GBF1: variants seen among roughly 807,000 people sequenced by gnomAD.
The protein encoded by GBF1 is golgi brefeldin A resistant guanine nucleotide exchange factor 1, also known as Golgi-specific brefeldin A-resistance guanine nucleotide exchange factor 1.
GBF1 carries 114 observed loss-of-function variants against 210.5 expected under a neutral mutation model. That is an observed-to-expected ratio of 0.54 (90% CI 0.47 to 0.63). The LOEUF is 0.63. Ranked by LOEUF, GBF1 falls within the 30% of genes least tolerant of loss-of-function variation. GBF1 has a pLI of 0.00. For synonymous variants in GBF1, 850 were observed against 889.2 expected (o/e 0.96, Z 0.78); for missense variants, 1,851 against 2,357.7 (o/e 0.79, Z 4.45).
intron 8 of GBF1, 85 bp downstream of exon 8, chr10:102,353,739 A>C: frequency 1.0e-6 from 1 of 955,700 alleles, no homozygotes; most frequent in Non-Finnish European, 1.7e-6. Flanking sequence ...TGCTTAGCAA[A>C]GATATGCTTT....
chr10:102,262,430 G>C (rs1040195961), intron 3 of GBF1, among the ~76,000 whole-genome samples: 4 of 152,040 alleles, frequency 2.6e-5, no homozygotes, highest in Non-Finnish European at 5.9e-5. Context: ...TTTTTGTTTG[G>C]TTTTGAATTC....
At chr10:102,256,911 G>A (rs1242239259) in intron 1 of GBF1, among the ~76,000 whole-genome samples, 1 of 152,164 alleles carries the variant, frequency 6.6e-6, no homozygotes, top group Non-Finnish European at 1.5e-5. Context: ...GGTGGTGTGC[G>A]CCTGAAGTCC....
chr10:102,376,393 A>G lies in GBF1; in HGVS notation c.4008A>G (p.Ser1336=), dbSNP rs151205099. ...GCAGGCCGGGCAAGATACACCGATC[A>G]GCCACAGATGCCGATGTGGTCAACA... ...DHGRPGKIHR[S]ATDADVVNSG... Residue 1336 remains serine, a synonymous_variant, in exon 31 of 40, where the codon TCA becomes TCG. Transcript: ENST00000369983. The G allele has an allele frequency of 5.6e-6, 9 of 1,614,204 alleles. No homozygotes were observed. Among genetic ancestry groups the G allele is most frequent in the Non-Finnish European group, 5.9e-6 (7 of 1,180,024 alleles).
chr10:102,275,064 T>G (rs1159878021), intron 3 of GBF1, among the ~76,000 whole-genome samples: 1 of 147,936 alleles, frequency 6.8e-6, no homozygotes, highest in Non-Finnish European at 1.5e-5. Flanking sequence ...CAGGCTGGAG[T>G]GCAGTGGTGC....
chr10:102,354,667 CAGG>C (rs1023664945), intron 8 of GBF1, among the ~76,000 whole-genome samples: 3 of 152,148 alleles, frequency 2.0e-5, no homozygotes, highest in Non-Finnish European at 4.4e-5. Context: ...TGCCTGGATA[CAGG>C]AGAAGGAAGA....
chr10:102,294,602 C>T (rs2076764720), intron 3 of GBF1, among the ~76,000 whole-genome samples: 1 of 151,890 alleles, frequency 6.6e-6, no homozygotes, highest in Non-Finnish European at 1.5e-5. Flanking sequence ...AGGATGGTCT[C>T]GATTTCCTGA....
At chr10:102,293,548 G>A (rs1565070927) in intron 3 of GBF1, among the ~76,000 whole-genome samples, 1 of 151,930 alleles carries the variant, frequency 6.6e-6, no homozygotes, top group African/African-American at 2.4e-5. Flanking sequence ...CAGCTTCATG[G>A]GTGTTATTGC....
intron 3 of GBF1, among the ~76,000 whole-genome samples, chr10:102,264,725 T>C (rs1379430671): frequency 6.6e-6 from 1 of 152,260 alleles, no homozygotes; most frequent in African/African-American, 2.4e-5. Flanking sequence ...TAATACAGTT[T>C]GTTCATTATT....
intron 3 of GBF1, among the ~76,000 whole-genome samples, chr10:102,272,062 A>G (rs1247519560): frequency 6.6e-6 from 1 of 151,716 alleles, no homozygotes; most frequent in East Asian, 1.9e-4. Flanking sequence ...CTTATTTCAT[A>G]TTATATCACC....
chr10:102,370,575 G>A (rs2060151081), intron 28 of GBF1, 97 bp downstream of exon 28: 4 of 1,299,810 alleles, frequency 3.1e-6, no homozygotes, highest in African/African-American at 1.5e-5. Context: ...ACTGTAGGCA[G>A]CAGGGGAGAA....
intron 3 of GBF1, among the ~76,000 whole-genome samples, chr10:102,300,727 T>C (rs1463013212): frequency 1.3e-5 from 2 of 152,128 alleles, no homozygotes; most frequent in East Asian, 1.9e-4. Flanking sequence ...TTTACAACAG[T>C]GACACTAAAT....
intron 3 of GBF1, among the ~76,000 whole-genome samples, chr10:102,296,325 A>AT (rs1554955602): frequency 1.3e-5 from 2 of 151,892 alleles, no homozygotes; most frequent in African/African-American, 4.8e-5. Flanking sequence ...AACCTTGACT[A>AT]TTTTTTTTAG....
At chr10:102,304,339 G>A (rs556511560) in intron 3 of GBF1, among the ~76,000 whole-genome samples, 2 of 152,122 alleles carry the variant, frequency 1.3e-5, no homozygotes, top group Non-Finnish European at 2.9e-5. Context: ...CAAAGACTTC[G>A]AATGCCGTAT....
intron 32 of GBF1, 21 bp from the exon 33 acceptor site, chr10:102,376,914 C>T: frequency 4.3e-6 from 7 of 1,612,416 alleles, no homozygotes; most frequent in Non-Finnish European, 5.9e-6. Flanking sequence ...AGAAATGTGA[C>T]CTGAGTCTGG....
At chr10:102,365,687 G>T in intron 18 of GBF1, 88 bp downstream of exon 18, 2 of 1,124,928 alleles carry the variant, frequency 1.8e-6, no homozygotes, top group Middle Eastern at 5.5e-4. Context: ...GAGGCAGGCA[G>T]ATCACTCGAG....
chr10:102,358,218 A>G (rs1481159108), intron 9 of GBF1, 32 bp downstream of exon 9: 1 of 1,579,016 alleles, frequency 6.3e-7, no homozygotes, highest in Non-Finnish European at 8.7e-7. Flanking sequence ...CTCTGATTAG[A>G]CAAAAGAAGA....
intron 29 of GBF1, among the ~76,000 whole-genome samples, chr10:102,373,302 A>G (rs1589818618): frequency 2.0e-5 from 3 of 152,308 alleles, no homozygotes; most frequent in East Asian, 3.9e-4. Context: ...TAAAACCACA[A>G]TGAGGCTCAC....
At chr10:102,338,318 G>A (rs1589689516) in intron 3 of GBF1, among the ~76,000 whole-genome samples, 1 of 139,730 alleles carries the variant, frequency 7.2e-6, no homozygotes, top group South Asian at 2.2e-4. Flanking sequence ...TCGGCTCACT[G>A]TAGCCTCTGC....
chr10:102,284,179 C>T (rs2075747339), intron 3 of GBF1, among the ~76,000 whole-genome samples: 1 of 152,128 alleles, frequency 6.6e-6, no homozygotes, highest in Non-Finnish European at 1.5e-5. Context: ...AAGGGAAGCT[C>T]ATATCCTGTT....
Sources: allele counts gnomAD v4.1 joint callset (sites outside exome capture counted in the v4.1 genomes callset), GRCh38; gene constraint gnomAD v4.1.1; transcripts MANE v1.5; gene names NCBI Gene and HGNC (gene_info 2026-07-23, HGNC 2026-07-21).